Variants in MIA2 observed in about 807,000 individuals in gnomAD.
MIA2 encodes the protein MIA SH3 domain ER export factor 2, also known as melanoma inhibitory activity protein 2.
A neutral mutation model predicts 167.8 loss-of-function variants in MIA2; 127 were observed. That is an observed-to-expected ratio of 0.76 (90% CI 0.66 to 0.88). The LOEUF (loss-of-function observed/expected upper bound fraction) is 0.88. Among genes scored for constraint, MIA2 ranks in the 40% least tolerant of loss-of-function variants. The pLI, the probability that MIA2 is intolerant of heterozygous loss-of-function variation, is 0.00. For missense variants in MIA2, 1,690 were observed against 1,624.7 expected (o/e 1.04, Z -0.69); for synonymous variants, 552 against 541.9 (o/e 1.02, Z -0.26).
intron 3 of MIA2, among the ~76,000 whole-genome samples, 175 bp from the exon 4 acceptor site, chr14:39,246,736 G>A (rs1434226318): frequency 6.6e-6 from 1 of 152,138 alleles, no homozygotes; most frequent in African/African-American, 2.4e-5. Flanking sequence ...TTTTCATTTA[G>A]GTTTACATAA....
At chr14:39,313,297 T>A in intron 18 of MIA2, 43 bp from the exon 19 acceptor site, 1 of 1,014,060 alleles carries the variant, frequency 9.9e-7, no homozygotes, top group Non-Finnish European at 1.5e-6. Flanking sequence ...TTGATTATCT[T>A]TTGACATGTA....
At chr14:39,313,899 C>T (rs554182263) in intron 19 of MIA2, among the ~76,000 whole-genome samples, 1 of 152,184 alleles carries the variant, frequency 6.6e-6, no homozygotes, top group East Asian at 1.9e-4. Flanking sequence ...TTGATCCTTA[C>T]TAGATCCCAG....
intron 23 of MIA2, among the ~76,000 whole-genome samples, chr14:39,378,858 G>T (rs1412659536): frequency 6.6e-6 from 1 of 152,144 alleles, no homozygotes. Flanking sequence ...TTTGATTTTG[G>T]AAAGTTTGTC....
chr14:39,383,174 G>T (rs958010450), intron 23 of MIA2, among the ~76,000 whole-genome samples: 10 of 151,834 alleles, frequency 6.6e-5, no homozygotes, highest in Admixed American at 1.3e-4. Flanking sequence ...TTGTTTGTTT[G>T]TTTTAACACA....
At chr14:39,310,349 G>A (rs1050919337) in intron 18 of MIA2, among the ~76,000 whole-genome samples, 2 of 152,164 alleles carry the variant, frequency 1.3e-5, no homozygotes, top group African/African-American at 4.8e-5. Context: ...GAACTGCTAT[G>A]TAGTGTTTTT....
chr14:39,290,417 T>C (rs1273667164), intron 9 of MIA2, among the ~76,000 whole-genome samples: 2 of 152,194 alleles, frequency 1.3e-5, no homozygotes, highest in Non-Finnish European at 1.5e-5. Flanking sequence ...TTGATCACTT[T>C]TTTTGAATAA....
chr14:39,298,441 A>G (rs1039020068), intron 13 of MIA2, among the ~76,000 whole-genome samples: 206 of 8,798 alleles, frequency 0.023, 27 homozygotes, highest in African/African-American at 0.045. Context: ...ATATATATAT[A>G]TAAAGATTAG....
At chr14:39,339,363 A>G (rs1177474552) in intron 25 of MIA2, among the ~76,000 whole-genome samples, 2 of 152,188 alleles carry the variant, frequency 1.3e-5, no homozygotes, top group South Asian at 4.1e-4. Context: ...AACTACTTCT[A>G]CTGTAGCTCA....
At chr14:39,376,770 A>G (rs1013841894) in intron 23 of MIA2, among the ~76,000 whole-genome samples, 1 of 152,210 alleles carries the variant, frequency 6.6e-6, no homozygotes, top group African/African-American at 2.4e-5. Flanking sequence ...CTGGAGGGGA[A>G]ATAGGAAGTG....
intron 16 of MIA2, among the ~76,000 whole-genome samples, 174 bp from the exon 17 acceptor site, chr14:39,304,117 G>GT (rs1039804127): frequency 7.2e-5 from 11 of 152,072 alleles, no homozygotes; most frequent in African/African-American, 2.4e-4. Context: ...GACTTTGCTG[G>GT]TTTTTTTAAG....
chr14:39,236,007 T>C (rs1213742306), intron 1 of MIA2, among the ~76,000 whole-genome samples: 2 of 152,174 alleles, frequency 1.3e-5, no homozygotes, highest in Non-Finnish European at 2.9e-5. Context: ...GTTGAACTGC[T>C]GAATCTGGCA....
At chr14:39,268,149 T>G (rs1234233216) in intron 6 of MIA2, among the ~76,000 whole-genome samples, 1 of 152,162 alleles carries the variant, frequency 6.6e-6, no homozygotes, top group African/African-American at 2.4e-5. Context: ...GTTGTAGAGA[T>G]TTTTCTCCTT....
chr14:39,333,885 C>A (rs1232850757), intron 25 of MIA2, among the ~76,000 whole-genome samples: 2 of 152,138 alleles, frequency 1.3e-5, no homozygotes, highest in South Asian at 2.1e-4. Context: ...GAGATATGGT[C>A]CATTCTACAG....
intron 25 of MIA2, among the ~76,000 whole-genome samples, chr14:39,328,880 A>G (rs898177084): frequency 9.2e-5 from 14 of 152,152 alleles, no homozygotes; most frequent in African/African-American, 3.4e-4. Context: ...CTTGTAGTAT[A>G]GCTTGAAGTC....
At chr14:39,340,866 G>A (rs903904713) in intron 25 of MIA2, among the ~76,000 whole-genome samples, 2 of 152,124 alleles carry the variant, frequency 1.3e-5, no homozygotes, top group African/African-American at 4.8e-5. Context: ...AAAAATCTGT[G>A]TTTAATTTGT....
chr14:39,240,697 A>G (rs2053998514), intron 3 of MIA2, 50 bp downstream of exon 3: 1 of 1,403,990 alleles, frequency 7.1e-7, no homozygotes, highest in Non-Finnish European at 1.0e-6. Context: ...TTTCTTGGTT[A>G]AAACAGTTTT....
intron 18 of MIA2, among the ~76,000 whole-genome samples, chr14:39,310,399 C>T (rs2064039903): frequency 6.6e-6 from 1 of 152,050 alleles, no homozygotes; most frequent in South Asian, 2.1e-4. Flanking sequence ...GGAGAAAATA[C>T]ATGTGTTAGA....
intron 6 of MIA2, chr14:39,266,401 C>A (rs1386547565): frequency 1.0e-6 from 1 of 985,308 alleles, no homozygotes; most frequent in African/African-American, 1.7e-5. Context: ...TTTAGCTCCT[C>A]TTCTCGGAGG....
chr14:39,327,257 A>T (rs2067766184), intron 25 of MIA2, among the ~76,000 whole-genome samples: 1 of 152,084 alleles, frequency 6.6e-6, no homozygotes, highest in Admixed American at 6.5e-5. Flanking sequence ...TTGCTTGTAG[A>T]GGTAATAATG....
Sources: gnomAD v4.1 joint callset for allele counts (sites outside exome capture counted in the v4.1 genomes callset) on GRCh38, gnomAD v4.1.1 for gene constraint, MANE v1.5 for transcripts, NCBI Gene and HGNC (gene_info 2026-07-23, HGNC 2026-07-21) for gene names.